The following FSIP1 variants were observed in gnomAD, a reference collection of about 807,000 sequenced individuals.
FSIP1 encodes fibrous sheath-interacting protein 1.
In FSIP1, 65 loss-of-function variants were observed where a neutral mutation model predicts 60.9. The observed-to-expected ratio is 1.07, with a 90% CI of 0.87 to 1.31. The LOEUF (loss-of-function observed/expected upper bound fraction) is 1.31. Among genes scored for constraint, FSIP1 ranks in the 40% most tolerant of loss-of-function variants. The pLI is 0.00. For synonymous variants in FSIP1, 209 were observed against 221.2 expected (o/e 0.94, Z 0.49); for missense variants, 675 against 665.5 (o/e 1.01, Z -0.16).
intron 10 of FSIP1, among the ~76,000 whole-genome samples, chr15:39,690,372 T>C (rs1595618128): frequency 6.6e-6 from 1 of 152,316 alleles, no homozygotes; most frequent in Non-Finnish European, 1.5e-5. Flanking sequence ...AAGACAGAGA[T>C]AAAGGATTTG....
intron 2 of FSIP1, among the ~76,000 whole-genome samples, chr15:39,772,378 G>A (rs1028826855): frequency 2.7e-5 from 4 of 147,376 alleles, no homozygotes; most frequent in East Asian, 2.0e-4. Flanking sequence ...CTGCAGCCTC[G>A]ACCTCCTGGG....
At chr15:39,746,963 A>G (rs1309367180) in intron 5 of FSIP1, among the ~76,000 whole-genome samples, 2 of 151,370 alleles carry the variant, frequency 1.3e-5, no homozygotes, top group Non-Finnish European at 2.9e-5. Flanking sequence ...CACATTAGTG[A>G]TTTTCCTGTT....
chr15:39,753,307 A>C (rs183232889), intron 5 of FSIP1, among the ~76,000 whole-genome samples: 1 of 152,254 alleles, frequency 6.6e-6, no homozygotes, highest in Non-Finnish European at 1.5e-5. Context: ...GAAATAAGTG[A>C]GCAGCCATCC....
chr15:39,601,840 A>T (rs1162557377), intron 11 of FSIP1, among the ~76,000 whole-genome samples: 1 of 152,254 alleles, frequency 6.6e-6, no homozygotes, highest in Non-Finnish European at 1.5e-5. Flanking sequence ...TGTTCAGACT[A>T]GGCAAATTCA....
intron 10 of FSIP1, among the ~76,000 whole-genome samples, chr15:39,673,684 T>A (rs1893811242): frequency 6.6e-6 from 1 of 152,180 alleles, no homozygotes; most frequent in African/African-American, 2.4e-5. Context: ...ATCATTTATA[T>A]TTTATGCATG....
At chr15:39,674,386 A>G (rs1365197833) in intron 10 of FSIP1, among the ~76,000 whole-genome samples, 2 of 152,224 alleles carry the variant, frequency 1.3e-5, no homozygotes, top group Non-Finnish European at 2.9e-5. Context: ...AAAATCGTAC[A>G]TGGGTCGTTC....
intron 10 of FSIP1, among the ~76,000 whole-genome samples, chr15:39,633,309 C>T (rs1352133842): frequency 6.6e-6 from 1 of 151,964 alleles, no homozygotes; most frequent in Non-Finnish European, 1.5e-5. Context: ...AGGATGGTCT[C>T]GATCTCCTCA....
chr15:39,755,094 T>C (rs1897262772), intron 5 of FSIP1, among the ~76,000 whole-genome samples: 1 of 152,096 alleles, frequency 6.6e-6, no homozygotes, highest in Admixed American at 6.6e-5. Context: ...AAAAGGCTTA[T>C]TTGTATGTTC....
chr15:39,681,860 A>G (rs1181463172), intron 10 of FSIP1, among the ~76,000 whole-genome samples: 3 of 152,306 alleles, frequency 2.0e-5, no homozygotes, highest in African/African-American at 4.8e-5. Context: ...GATAATAATA[A>G]GTGAATGGTT....
At chr15:39,656,338 A>G (rs1198067457) in intron 10 of FSIP1, among the ~76,000 whole-genome samples, 1 of 152,224 alleles carries the variant, frequency 6.6e-6, no homozygotes, top group African/African-American at 2.4e-5. Context: ...AAGGTGTACA[A>G]TATTCCTTAT....
chr15:39,615,626 G>A (rs1057365465), intron 11 of FSIP1, among the ~76,000 whole-genome samples: 2 of 151,620 alleles, frequency 1.3e-5, no homozygotes, highest in Admixed American at 6.6e-5. Context: ...GGTGGCTCAC[G>A]CCTGTAATCC....
chr15:39,623,290 G>A (rs1211789063), intron 10 of FSIP1, among the ~76,000 whole-genome samples: 1 of 152,178 alleles, frequency 6.6e-6, no homozygotes, highest in East Asian at 1.9e-4. Context: ...CCCTGGTGCA[G>A]ATAATCAGAA....
intron 10 of FSIP1, among the ~76,000 whole-genome samples, chr15:39,656,304 T>C (rs1253371659): frequency 1.3e-5 from 2 of 152,248 alleles, no homozygotes; most frequent in African/African-American, 4.8e-5. Context: ...CAAAGTTAAG[T>C]TGTTATTATC....
At chr15:39,706,627 G>T (rs1184926851) in intron 10 of FSIP1, among the ~76,000 whole-genome samples, 1 of 152,114 alleles carries the variant, frequency 6.6e-6, no homozygotes, top group African/African-American at 2.4e-5. Flanking sequence ...CAGACAGTCT[G>T]AGATATAAAC....
chr15:39,714,549 C>T (rs2140557817), intron 9 of FSIP1, among the ~76,000 whole-genome samples: 1 of 151,008 alleles, frequency 6.6e-6, no homozygotes, highest in East Asian at 1.9e-4. Flanking sequence ...TTCTTTCTCA[C>T]CGTCTTAGTT....
intron 5 of FSIP1, among the ~76,000 whole-genome samples, chr15:39,749,489 T>C (rs915360321): frequency 2.6e-5 from 4 of 152,058 alleles, no homozygotes; most frequent in African/African-American, 9.7e-5. Context: ...GATTTATCCC[T>C]GGCAGGTAAG....
intron 10 of FSIP1, among the ~76,000 whole-genome samples, chr15:39,678,094 C>T (rs1894016231): frequency 6.6e-6 from 1 of 151,516 alleles, no homozygotes; most frequent in African/African-American, 2.4e-5. Flanking sequence ...ATATATACAC[C>T]TAGATTCTAA....
At chr15:39,683,258 T>G (rs892988335) in intron 10 of FSIP1, among the ~76,000 whole-genome samples, 11 of 152,068 alleles carry the variant, frequency 7.2e-5, no homozygotes, top group Non-Finnish European at 1.3e-4. Context: ...GGCTTTGTCA[T>G]GGGAATGCAA....
chr15:39,731,911 A>G (rs543098049), intron 8 of FSIP1, among the ~76,000 whole-genome samples: 1 of 152,354 alleles, frequency 6.6e-6, no homozygotes, highest in Non-Finnish European at 1.5e-5. Flanking sequence ...TGAGTTCCCA[A>G]CATAGATGAA....
Sources: allele counts gnomAD v4.1 joint callset (sites outside exome capture counted in the v4.1 genomes callset), GRCh38; gene constraint gnomAD v4.1.1; transcripts MANE v1.5; gene names NCBI Gene and HGNC (gene_info 2026-07-23, HGNC 2026-07-21).